BLK: variants seen among roughly 807,000 people sequenced by gnomAD.
BLK encodes BLK proto-oncogene, Src family tyrosine kinase, also known as tyrosine-protein kinase Blk.
BLK carries 64 observed loss-of-function variants against 61.8 expected under a neutral mutation model. That is an observed-to-expected ratio of 1.03 (90% CI 0.85 to 1.27). The LOEUF (loss-of-function observed/expected upper bound fraction) is 1.27, where lower values mean the gene tolerates loss of function less well. Ranked by LOEUF, BLK falls within the 50% of genes most tolerant of loss-of-function variation. BLK has a pLI of 0.00. For synonymous variants in BLK, 351 were observed against 272.0 expected (o/e 1.29, Z -2.86); for missense variants, 853 against 660.5 (o/e 1.29, Z -3.19).
intron 1 of BLK, among the ~76,000 whole-genome samples, chr8:11,535,323 AGAGAAG>A (rs1381622610): frequency 1.8e-5 from 2 of 113,916 alleles, no homozygotes; most frequent in African/African-American, 5.8e-5. Context: ...AAAGAAAGAA[AGAGAAG>A]GAAAAGGGAA....
chr8:11,522,637 T>C (rs1209794709), intron 1 of BLK, among the ~76,000 whole-genome samples: 1 of 138,374 alleles, frequency 7.2e-6, no homozygotes, highest in Non-Finnish European at 1.6e-5. Flanking sequence ...AATGAATGAA[T>C]AAAAGGAAGT....
rs1005632089 is a variant in BLK, at chr8:11,564,434, C to A, written c.*326C>A. On this transcript the variant is annotated 3_prime_UTR_variant, in exon 13 of 13. Transcript: ENST00000259089. ...CATCAAGTAAGGCCCCCGTGCTGGG[C>A]ACCCCCCGTGCTGGCCGCGTCCCCG... The A allele has an allele frequency of 5.2e-6, 3 of 582,222 alleles. No individual in the cohort carries two copies. The Admixed American group carries it at 6.5e-5, about 13-fold the overall frequency. 36.1% of individuals were successfully genotyped at this position (582,222 alleles called of 1,614,324 possible).
chr8:11,559,025 C>T (rs1489854841), intron 10 of BLK: 2 of 456,186 alleles, frequency 4.4e-6, no homozygotes, highest in Non-Finnish European at 8.8e-6. Flanking sequence ...CGGCTTCAAA[C>T]CCCAGGGCAG....
At chr8:11,524,751 G>A (rs778480750) in intron 1 of BLK, among the ~76,000 whole-genome samples, 2 of 152,118 alleles carry the variant, frequency 1.3e-5, no homozygotes, top group Non-Finnish European at 2.9e-5. Flanking sequence ...CAGAAGAAGT[G>A]GGGAAAATGA....
intron 1 of BLK, among the ~76,000 whole-genome samples, chr8:11,525,994 A>C (rs1209686916): frequency 5.9e-5 from 9 of 152,162 alleles, no homozygotes; most frequent in Admixed American, 5.2e-4. Flanking sequence ...GCTGGTCTCG[A>C]ACTCCTATCC....
intron 1 of BLK, among the ~76,000 whole-genome samples, chr8:11,510,484 A>T (rs1295850031): frequency 1.3e-5 from 2 of 152,206 alleles, no homozygotes; most frequent in East Asian, 1.9e-4. Context: ...GTCGGGGGAG[A>T]GGTCCTGAAG....
chr8:11,502,568 A>G (rs1201427473), intron 1 of BLK, among the ~76,000 whole-genome samples: 2 of 152,218 alleles, frequency 1.3e-5, no homozygotes, highest in Non-Finnish European at 2.9e-5. Context: ...GATTACAGAC[A>G]TGAGCCACCA....
chr8:11,537,064 G>C lies in BLK; in HGVS notation c.-1-6160G>C, dbSNP rs561159682. 4.6e-5 allele frequency among the ~76,000 whole-genome samples: 7 copies of C among 152,312 alleles called. 1 individual carries two copies. In the South Asian group the frequency reaches 1.2e-3, roughly 27 times the overall value. On this transcript the variant is annotated intron_variant, in intron 1 of 12. Coordinates refer to ENST00000259089, the MANE Select transcript of BLK (RefSeq NM_001715.3). ...ACCTCGTTGCTAGGAACTGTTATCG[G>C]GGCTGTTTCAGGTTCACATGTGGAG...
chr8:11,504,199 G>C (rs1585321029), intron 1 of BLK, among the ~76,000 whole-genome samples: 1 of 152,034 alleles, frequency 6.6e-6, no homozygotes, highest in Non-Finnish European at 1.5e-5. Context: ...GTGTGCGACT[G>C]TAATCCCAGC....
chr8:11,536,282 G>C (rs1800130400), intron 1 of BLK, among the ~76,000 whole-genome samples: 1 of 152,210 alleles, frequency 6.6e-6, no homozygotes, highest in African/African-American at 2.4e-5. Context: ...CATTCATTTA[G>C]AGGAAATAAA....
chr8:11,517,930 C>G (rs1004179109), intron 1 of BLK, among the ~76,000 whole-genome samples: 1 of 152,206 alleles, frequency 6.6e-6, no homozygotes, highest in African/African-American at 2.4e-5. Context: ...TGAGGGCACC[C>G]CAGCCCTGTG....
At chr8:11,533,456 T>C (rs1439544127) in intron 1 of BLK, among the ~76,000 whole-genome samples, 6 of 151,656 alleles carry the variant, frequency 4.0e-5, no homozygotes, top group Non-Finnish European at 8.8e-5. Flanking sequence ...TTAAGAGAGG[T>C]TCAAGTCGTG....
intron 1 of BLK, among the ~76,000 whole-genome samples, chr8:11,542,380 C>T (rs115360487): frequency 0.028 from 4,246 of 152,338 alleles, 87 homozygotes; most frequent in South Asian, 0.052. Flanking sequence ...GACTTGGGTG[C>T]TTCCTCTCTA....
Position 11,549,041 on chromosome 8 carries a change from T to C in BLK, c.287T>C (p.Leu96Pro), listed in dbSNP as rs1323352728. Residue 96 changes from leucine (L) to proline (P), a missense_variant, in exon 5 of 13, where the codon CTG becomes CCG. By Grantham distance (98) the Leu-to-Pro change is moderately conservative. Transcript: ENST00000259089. Reference sequence around the variant, plus strand: ...CCCATTAGAACTGGAGACTGGTGGCTGGCCAGGTCACTCGTCACAGGAAGA... The same window carrying C: ...CCCATTAGAACTGGAGACTGGTGGCCGGCCAGGTCACTCGTCACAGGAAGA... Reference protein sequence around the residue: ...QVLKGTGDWWLARSLVTGREG... With the variant: ...QVLKGTGDWWPARSLVTGREG... The C allele has an allele frequency of 6.2e-7, 1 of 1,610,190 alleles. No individual in the cohort carries two copies. The highest frequency in any genetic ancestry group is 8.5e-7 in the Non-Finnish European group (1 of 1,178,488).
At position 11,563,113 on chromosome 8, in the gene BLK, A is replaced by G. The variant is rs1762452435; in HGVS notation, c.1312+3A>G. 6 of 1,613,662 alleles carry G rather than the reference A, an allele frequency of 3.7e-6. No individual in the cohort carries two copies. Among genetic ancestry groups the G allele is most frequent in the Non-Finnish European group, 5.1e-6 (6 of 1,179,994 alleles). On this transcript the variant is annotated splice_donor_region_variant and intron_variant, in intron 12 of 12. Coordinates refer to ENST00000259089, the MANE Select transcript of BLK (RefSeq NM_001715.3). The stretch of plus-strand genomic sequence containing the variant: ...TTATGGGCGGGTGCCATACCCAGGT[A>G]GGTGGCTCACCCCGCAGCTCGCGGC...
chr8:11,532,319 C>T (rs566911049), intron 1 of BLK, among the ~76,000 whole-genome samples: 1 of 151,416 alleles, frequency 6.6e-6, no homozygotes, highest in East Asian at 2.0e-4. Flanking sequence ...CTGCCTCAGG[C>T]TCCCAAGTAG....
Position 11,537,968 on chromosome 8 carries a change from C to G in BLK, c.-1-5256C>G, listed in dbSNP as rs554572371. Among the ~76,000 whole-genome samples the G allele has an allele frequency of 5.9e-5, 9 of 152,180 alleles. No homozygotes were observed. The East Asian group carries it at 1.2e-3, about 20-fold the overall frequency. The stretch of plus-strand genomic sequence containing the variant: ...GCTGGTTTCAAATAAACAAACAACT[C>G]CCCTTTCCCACTTCCCCTCCTCTTG... On this transcript the variant is annotated intron_variant, in intron 1 of 12. Coordinates refer to ENST00000259089, the MANE Select transcript of BLK (RefSeq NM_001715.3).
intron 10 of BLK, chr8:11,559,014 C>T (rs1483402117): frequency 2.2e-6 from 1 of 456,262 alleles, no homozygotes; most frequent in Non-Finnish European, 4.4e-6. Context: ...GTGCTGGTAA[C>T]CGGCTTCAAA....
intron 1 of BLK, among the ~76,000 whole-genome samples, chr8:11,508,016 A>C (rs749513853): frequency 2.0e-5 from 3 of 152,072 alleles, no homozygotes; most frequent in Non-Finnish European, 4.4e-5. Flanking sequence ...GGGGGTCATC[A>C]CCAGGCCTTG....
Sources: allele counts gnomAD v4.1 joint callset (sites outside exome capture counted in the v4.1 genomes callset), GRCh38; gene constraint gnomAD v4.1.1; transcripts MANE v1.5; gene names NCBI Gene and HGNC (gene_info 2026-07-23, HGNC 2026-07-21).